DYRK1A: variants seen among roughly 807,000 people sequenced by gnomAD.
The protein encoded by DYRK1A is dual specificity tyrosine phosphorylation regulated kinase 1A.
In DYRK1A, 9 loss-of-function variants were observed where a neutral mutation model predicts 79.7. The observed-to-expected ratio is 0.11, with a 90% CI of 0.07 to 0.20. The LOEUF is 0.20. DYRK1A is among the 10% of genes least tolerant of loss of function. The pLI, the probability that DYRK1A is intolerant of heterozygous loss-of-function variation, is 1.00. For synonymous variants in DYRK1A, 349 were observed against 329.7 expected (o/e 1.06, Z -0.63); for missense variants, 622 against 956.0 (o/e 0.65, Z 4.61).
chr21:37,466,099 A>G (rs2052016711), intron 2 of DYRK1A, among the ~76,000 whole-genome samples: 1 of 152,210 alleles, frequency 6.6e-6, no homozygotes, highest in Non-Finnish European at 1.5e-5. Flanking sequence ...GCAGTAATCA[A>G]GGGAACTACC....
intron 1 of DYRK1A, among the ~76,000 whole-genome samples, chr21:37,380,778 A>G (rs1173498628): frequency 2.0e-5 from 3 of 151,628 alleles, no homozygotes; most frequent in Non-Finnish European, 4.4e-5. Flanking sequence ...CTTTTGGGGT[A>G]GAGACCACGC....
chr21:37,420,839 TG>T (rs1170224711), intron 2 of DYRK1A, among the ~76,000 whole-genome samples: 2 of 152,234 alleles, frequency 1.3e-5, no homozygotes, highest in East Asian at 3.9e-4. Context: ...TCTGGGATTT[TG>T]TTTATTTTTT....
In DYRK1A at chr21:37,375,650, C is replaced by T. The variant is rs182913485; in HGVS notation, c.-77+8022C>T. On this transcript the variant is annotated intron_variant, in intron 1 of 11. Coordinates refer to ENST00000647188, the MANE Select transcript of DYRK1A (RefSeq NM_001347721.2). The stretch of plus-strand genomic sequence containing the variant: ...CAGCAATTCTCCTGCCTCAGCCTCC[C>T]GAGTAGCTGGAATTACAGGTGCCTG... Among the ~76,000 whole-genome samples, 72 of 151,148 alleles carry T rather than the reference C, an allele frequency of 4.8e-4. No homozygotes were observed. The East Asian group carries it at 9.4e-3, about 20-fold the overall frequency.
At chr21:37,501,295 C>G (rs1240925697) in intron 9 of DYRK1A, 1 of 151,814 alleles carries the variant, frequency 6.6e-6, no homozygotes, top group African/African-American at 2.4e-5. Flanking sequence ...CTCAACCTCC[C>G]AAGTAGCTGG....
chr21:37,469,754 A>G (rs2052156834), intron 2 of DYRK1A, among the ~76,000 whole-genome samples: 1 of 152,240 alleles, frequency 6.6e-6, no homozygotes, highest in South Asian at 2.1e-4. Context: ...CTAAACCATT[A>G]GAAACCACCC....
chr21:37,454,383 G>A (rs765528688), intron 2 of DYRK1A, among the ~76,000 whole-genome samples: 2 of 152,042 alleles, frequency 1.3e-5, no homozygotes, highest in African/African-American at 2.4e-5. Flanking sequence ...GTAAGCCACC[G>A]TACCTGATCT....
chr21:37,432,185 C>G (rs904935264), intron 2 of DYRK1A, among the ~76,000 whole-genome samples: 2 of 151,842 alleles, frequency 1.3e-5, no homozygotes, highest in Non-Finnish European at 2.9e-5. Context: ...GTTCTAGGAG[C>G]CTTTTTTTTT....
intron 3 of DYRK1A, among the ~76,000 whole-genome samples, chr21:37,476,939 A>C (rs2052419932): frequency 6.6e-6 from 1 of 151,830 alleles, no homozygotes; most frequent in Admixed American, 6.6e-5. Context: ...TTGAGTATAC[A>C]TGCAGAAGAA....
chr21:37,476,116 C>T (rs1257351763), intron 3 of DYRK1A, among the ~76,000 whole-genome samples: 1 of 152,164 alleles, frequency 6.6e-6, no homozygotes. Flanking sequence ...GCATGGACAT[C>T]TTCAGCTACA....
chr21:37,512,690 A>T lies in DYRK1A; in HGVS notation c.*159A>T. On this transcript the variant is annotated 3_prime_UTR_variant, in exon 12 of 12. Coordinates refer to ENST00000647188, the MANE Select transcript of DYRK1A (RefSeq NM_001347721.2). ...TTTTTTTTTAACTTGAAAAGATTGC[A>T]AAGGGACATTGAAGTGTTTAAAAGA... 1 of 807,866 alleles carries T rather than the reference A, an allele frequency of 1.2e-6. No homozygotes were observed. The highest frequency in any genetic ancestry group is 1.9e-6 in the Non-Finnish European group (1 of 524,868). The allele number at this position is 807,866 out of a possible 1,614,324, so 50.0% of individuals were successfully genotyped here. A position where few individuals can be genotyped will look rare whatever the true frequency, so the allele number is the denominator to read the frequency against.
Position 37,505,532 on chromosome 21 carries a change from C to A in DYRK1A, c.1462C>A (p.Pro488Thr). Residue 488 changes from proline to threonine, a missense_variant, in exon 10 of 12, where the codon CCC (proline) becomes ACC (threonine). Physicochemically the swap from Pro to Thr is conservative, Grantham distance 38. Coordinates refer to ENST00000647188, the MANE Select transcript of DYRK1A (RefSeq NM_001347721.2). The stretch of plus-strand genomic sequence containing the variant: ...TACAAGTAATAGTGTATCTACAAGC[C>A]CCGCCATGGAGCAGTCTCAGTCTTC... ...TNTSNSVSTSPAMEQSQSSGT... is the reference protein window; with the variant it reads ...TNTSNSVSTSTAMEQSQSSGT... 6.2e-7 allele frequency: 1 copy of A among 1,612,204 alleles called. No individual in the cohort carries two copies.
rs545265595 is a variant in DYRK1A, at chr21:37,379,769, A to G, written c.-77+12141A>G. 2.0e-5 allele frequency among the ~76,000 whole-genome samples: 3 copies of G among 152,304 alleles called. 1 individual carries two copies. In the East Asian group the frequency reaches 5.8e-4, roughly 29 times the overall value. On this transcript the variant is annotated intron_variant, in intron 1 of 11. Transcript: ENST00000647188. ...GCATCTTAGTATTTGCCTGAAAAAA[A>G]TCTCATATTCTCTTTATTTTTTCAT...
rs1009165530 is a variant in DYRK1A, at chr21:37,493,599, G to A, written c.1071+436G>A. On this transcript the variant is annotated intron_variant, in intron 8 of 11. Transcript: ENST00000647188. The stretch of plus-strand genomic sequence containing the variant: ...GTAGAGTAAACGAGATTATAGACTT[G>A]TAGGGCTACAGAGACTGTGTGCAGT... Among the ~76,000 whole-genome samples, 11 of 152,306 alleles carry A rather than the reference G, an allele frequency of 7.2e-5. 1 individual carries two copies. The highest frequency in any genetic ancestry group is 7.2e-4 in the Admixed American group (11 of 15,300).
chr21:37,500,842 TTC>T (rs1355496706), intron 9 of DYRK1A, among the ~76,000 whole-genome samples: 2 of 152,082 alleles, frequency 1.3e-5, no homozygotes, highest in Non-Finnish European at 1.5e-5. Context: ...CATTTGTACT[TTC>T]TGTTTTTTCC....
chr21:37,466,426 TAAGA>T (rs1226493446), intron 2 of DYRK1A, among the ~76,000 whole-genome samples: 1 of 152,014 alleles, frequency 6.6e-6, no homozygotes, highest in African/African-American at 2.4e-5. Flanking sequence ...CAGCAAAAGA[TAAGA>T]AAGGAAAAGG....
intron 1 of DYRK1A, among the ~76,000 whole-genome samples, chr21:37,411,841 C>T (rs1443631767): frequency 6.6e-6 from 1 of 152,124 alleles, no homozygotes; most frequent in Non-Finnish European, 1.5e-5. Context: ...CAGTTTTTTT[C>T]CTGCACATAA....
chr21:37,443,678 T>C (rs2051178140), intron 2 of DYRK1A, among the ~76,000 whole-genome samples: 1 of 152,234 alleles, frequency 6.6e-6, no homozygotes, highest in South Asian at 2.1e-4. Flanking sequence ...TGAGTATCGA[T>C]GTTTCCCATT....
chr21:37,433,042 T>TA (rs5843828), intron 2 of DYRK1A, among the ~76,000 whole-genome samples: 2 of 139,202 alleles, frequency 1.4e-5, no homozygotes, highest in Non-Finnish European at 3.1e-5. Flanking sequence ...CTAGGAATTC[T>TA]AAATATATAT....
At chr21:37,434,115 A>C (rs572425041) in intron 2 of DYRK1A, among the ~76,000 whole-genome samples, 1 of 152,152 alleles carries the variant, frequency 6.6e-6, no homozygotes, top group African/African-American at 2.4e-5. Context: ...TGGCTTCAGG[A>C]GAAGAGAAAT....
Sources: gnomAD v4.1 joint callset for allele counts (sites outside exome capture counted in the v4.1 genomes callset) on GRCh38, gnomAD v4.1.1 for gene constraint, MANE v1.5 for transcripts, NCBI Gene and HGNC (gene_info 2026-07-23, HGNC 2026-07-21) for gene names.